SHOC1: variants seen among roughly 807,000 people sequenced by gnomAD.
The protein encoded by SHOC1 is shortage in chiasmata 1.
In SHOC1, 136 loss-of-function variants were observed where a neutral mutation model predicts 179.2. The observed-to-expected ratio is 0.76, with a 90% CI of 0.66 to 0.87. The LOEUF (loss-of-function observed/expected upper bound fraction) is 0.87, where lower values mean the gene tolerates loss of function less well. Among genes scored for constraint, SHOC1 ranks in the 40% least tolerant of loss-of-function variants. The pLI, the probability that SHOC1 is intolerant of heterozygous loss-of-function variation, is 0.00. For missense variants in SHOC1, 1,538 were observed against 1,700.8 expected (o/e 0.90, Z 1.68); for synonymous variants, 489 against 586.6 (o/e 0.83, Z 2.41).
chr9:111,714,469 C>T lies in SHOC1; in HGVS notation c.2391G>A (p.Trp797Ter). ...IQELQCQILSWMQSQQQIKVL... is the reference protein window; with the variant it reads ...IQELQCQILS ...CCTTAATTTGCTGTTGACTTTGCAT[C>T]CAACTTAGTATCTGACATTGCAATT... Residue 797 changes from tryptophan (W) to a stop codon, truncating the protein, a stop_gained, in exon 17 of 28, where the codon TGG (tryptophan) becomes TGA (stop). Transcript: ENST00000682961. LOFTEE classifies it high-confidence loss of function. 1 of 1,613,674 alleles carries T rather than the reference C, an allele frequency of 6.2e-7. No homozygotes were observed. The highest frequency in any genetic ancestry group is 1.1e-5 in the South Asian group (1 of 90,964).
Position 111,691,998 on chromosome 9 carries a change from G to A in SHOC1, c.3979C>T (p.Gln1327Ter). The change falls in exon 27 of 28, where the codon CAG becomes TAG. Residue 1327 changes from glutamine to a stop codon, truncating the protein, a stop_gained. Transcript: ENST00000682961. LOFTEE classifies it high-confidence loss of function. ...VSVVPRFINS[Q>*]KRRTHEAKGF... Reference sequence around the variant, plus strand: ...TTTGCTTCATGTGTTCTCCTTTTCTGAGAATTTATAAAACGGGGGACAACT... The same window carrying A: ...TTTGCTTCATGTGTTCTCCTTTTCTAAGAATTTATAAAACGGGGGACAACT... 1.2e-6 allele frequency: 2 copies of A among 1,613,086 alleles called. No homozygotes were observed. Among genetic ancestry groups the A allele is most frequent in the Non-Finnish European group, 1.7e-6 (2 of 1,179,642 alleles).
Position 111,694,413 on chromosome 9 carries a change from A to G in SHOC1, c.3184-51T>C, listed in dbSNP as rs570714102. On this transcript the variant is annotated intron_variant, in intron 24 of 27. Coordinates refer to ENST00000682961, the MANE Select transcript of SHOC1 (RefSeq NM_001378211.1). ...TATAGGAAATACTAGGAAGCAAAAT[A>G]TAATATTTTTTAAACAGTTTGTAAT... 17 of 1,367,158 alleles carry G rather than the reference A, an allele frequency of 1.2e-5. No homozygotes were observed. In the South Asian group the frequency reaches 2.2e-4, roughly 18 times the overall value. 84.7% of individuals were successfully genotyped at this position (1,367,158 alleles called of 1,614,324 possible).
intron 5 of SHOC1, among the ~76,000 whole-genome samples, chr9:111,769,428 A>G (rs1835478098): frequency 6.6e-6 from 1 of 152,056 alleles, no homozygotes; most frequent in South Asian, 2.1e-4. Context: ...CTTCAATCTT[A>G]TTACTCATCA....
intron 8 of SHOC1, 39 bp from the exon 9 acceptor site, chr9:111,748,238 T>C: frequency 7.2e-7 from 1 of 1,391,624 alleles, no homozygotes; most frequent in East Asian, 2.3e-5. Context: ...AAATGTACCA[T>C]TAAATTAATT....
chr9:111,707,781 A>G lies in SHOC1; in HGVS notation c.2558+74T>C, dbSNP rs1374729135. On this transcript the variant is annotated intron_variant, in intron 19 of 27. Transcript: ENST00000682961. ...AGATTTTGTTAAATTTTTAAAGTTA[A>G]CTTCTAGGAAGATTTTGCTTTTCCT... 3 of 977,210 alleles carry G rather than the reference A, an allele frequency of 3.1e-6. No individual in the cohort carries two copies. In the African/African-American group the frequency reaches 5.1e-5, roughly 17 times the overall value. The allele number at this position is 977,210 out of a possible 1,614,324, so 60.5% of individuals were successfully genotyped here.
At chr9:111,761,435 G>A (rs1196851741) in intron 5 of SHOC1, among the ~76,000 whole-genome samples, 1 of 152,148 alleles carries the variant, frequency 6.6e-6, no homozygotes, top group Non-Finnish European at 1.5e-5. Context: ...CTGGGAGGTG[G>A]AGGTTGCAGT....
At chr9:111,789,998 A>G (rs1256202102) in intron 2 of SHOC1, among the ~76,000 whole-genome samples, 1 of 152,224 alleles carries the variant, frequency 6.6e-6, no homozygotes, top group Non-Finnish European at 1.5e-5. Flanking sequence ...AGTGTTACAA[A>G]GAAAAAAATT....
chr9:111,707,826 T>C (rs7854652), intron 19 of SHOC1, 29 bp downstream of exon 19: 29,953 of 1,424,354 alleles, frequency 0.021, 1,180 homozygotes, highest in African/African-American at 0.16. Flanking sequence ...GTACGTTTGT[T>C]CCTCACAGAT....
intron 17 of SHOC1, 46 bp downstream of exon 17, chr9:111,714,399 T>C: frequency 1.9e-6 from 3 of 1,590,920 alleles, no homozygotes; most frequent in Non-Finnish European, 2.6e-6. Context: ...TACATCCAAT[T>C]CTTACTTAAA....
intron 5 of SHOC1, among the ~76,000 whole-genome samples, chr9:111,773,731 G>T (rs948349163): frequency 2.0e-5 from 3 of 152,060 alleles, no homozygotes; most frequent in African/African-American, 7.2e-5. Flanking sequence ...GAACATTGTA[G>T]AAAAATTAGC....
intron 14 of SHOC1, among the ~76,000 whole-genome samples, chr9:111,723,054 A>G (rs1833140139): frequency 6.6e-6 from 1 of 152,170 alleles, no homozygotes; most frequent in African/African-American, 2.4e-5. Flanking sequence ...TGCTGGAATT[A>G]CAGGTGTGAG....
chr9:111,772,481 G>A (rs1458851367), intron 5 of SHOC1, among the ~76,000 whole-genome samples: 1 of 152,080 alleles, frequency 6.6e-6, no homozygotes, highest in Non-Finnish European at 1.5e-5. Flanking sequence ...TTTCTTGTGG[G>A]TATATGTCTA....
intron 2 of SHOC1, among the ~76,000 whole-genome samples, chr9:111,787,052 G>A (rs187028454): frequency 7.1e-4 from 108 of 152,200 alleles, no homozygotes; most frequent in African/African-American, 2.5e-3. Context: ...ATGGTTTACC[G>A]AATATTTTAA....
chr9:111,696,839 T>A (rs1256497092), intron 24 of SHOC1, among the ~76,000 whole-genome samples: 1 of 152,220 alleles, frequency 6.6e-6, no homozygotes, highest in Non-Finnish European at 1.5e-5. Flanking sequence ...AATTTACATT[T>A]GTCATTCACT....
chr9:111,722,346 T>C (rs1833091677), intron 15 of SHOC1, 63 bp downstream of exon 15: 1 of 1,454,964 alleles, frequency 6.9e-7, no homozygotes, highest in African/African-American at 1.4e-5. Flanking sequence ...CAATTTTTAC[T>C]AATTTGATAC....
At chr9:111,706,241 C>G (rs1408791769) in intron 20 of SHOC1, among the ~76,000 whole-genome samples, 2 of 151,850 alleles carry the variant, frequency 1.3e-5, no homozygotes, top group Admixed American at 6.6e-5. Flanking sequence ...ACAACTGTCC[C>G]CTAAAAATCA....
intron 15 of SHOC1, among the ~76,000 whole-genome samples, chr9:111,720,440 G>A (rs530622944): frequency 5.3e-5 from 8 of 152,208 alleles, no homozygotes; most frequent in African/African-American, 1.9e-4. Flanking sequence ...GACCTTCTTT[G>A]TGTCTCTTGT....
rs562702749 is a variant in SHOC1, at chr9:111,755,888, C to T, written c.862+437G>A. Reference sequence around the variant, plus strand: ...CTACAATCTTAGCACTTTGGGAGGCCGAGGCGGGCAGATCACCTGAGGTCA... The same window carrying T: ...CTACAATCTTAGCACTTTGGGAGGCTGAGGCGGGCAGATCACCTGAGGTCA... On this transcript the variant is annotated intron_variant, in intron 8 of 27. Transcript: ENST00000682961. Among the ~76,000 whole-genome samples the T allele has an allele frequency of 1.2e-4, 18 of 152,052 alleles. No homozygotes were observed. In the East Asian group the frequency reaches 2.5e-3, roughly 21 times the overall value.
chr9:111,694,344 C>T lies in SHOC1; in HGVS notation c.3202G>A (p.Val1068Ile), dbSNP rs749718545. The change falls in exon 25 of 28, where the codon GTA becomes ATA. Residue 1068 changes from valine (V) to isoleucine (I), a missense_variant. Transcript: ENST00000682961. Reference sequence around the variant, plus strand: ...CGAATTATCAAGGCAGTTGCTTCTACTCCTGGGGCAATTATAAGCTAAAAA... The same window carrying T: ...CGAATTATCAAGGCAGTTGCTTCTATTCCTGGGGCAATTATAAGCTAAAAA... ...LDVKLIIAPG[V>I]EATALIIRQI... 1.8e-5 allele frequency: 29 copies of T among 1,607,602 alleles called. No homozygotes were observed. Among genetic ancestry groups the T allele is most frequent in the Non-Finnish European group, 2.3e-5 (27 of 1,175,834 alleles).
Sources: gnomAD v4.1 joint callset for allele counts (sites outside exome capture counted in the v4.1 genomes callset) on GRCh38, gnomAD v4.1.1 for gene constraint, MANE v1.5 for transcripts, NCBI Gene and HGNC (gene_info 2026-07-23, HGNC 2026-07-21) for gene names.